B3GALNT2: variants seen among roughly 807,000 people sequenced by gnomAD.
The protein encoded by B3GALNT2 is beta-1,3-N-acetylgalactosaminyltransferase 2, also known as UDP-GalNAc:beta-1,3-N-acetylgalactosaminyltransferase 2.
Under a neutral mutation model 61.1 loss-of-function variants are expected in B3GALNT2, and 53 were observed. The observed-to-expected ratio is 0.87, with a 90% CI of 0.70 to 1.09. The LOEUF (loss-of-function observed/expected upper bound fraction) is 1.09, where lower values mean the gene tolerates loss of function less well. B3GALNT2 is among the 50% of genes least tolerant of loss of function. B3GALNT2 has a pLI of 0.00. For synonymous variants in B3GALNT2, 223 were observed against 237.4 expected (o/e 0.94, Z 0.56); for missense variants, 544 against 623.0 (o/e 0.87, Z 1.35).
chr1:235,440,122 C>T, the B3GALNT2 span, among the ~76,000 whole-genome samples: 208 of 152,276 alleles, frequency 1.4e-3, no homozygotes, highest in South Asian at 9.1e-3. Context: ...AGGCGCCCAC[C>T]ACCACACCCG....
In B3GALNT2 at chr1:235,458,724, T is replaced by TC. The variant is rs1469279569; in HGVS notation, c.903dup (p.Asn302GlufsTer4). 1 of 1,612,798 alleles carries TC rather than the reference T, an allele frequency of 6.2e-7. No homozygotes were observed. The highest frequency in any genetic ancestry group is 1.7e-5 in the Admixed American group (1 of 59,850). On this transcript the variant is annotated frameshift_variant, in exon 8 of 12. Coordinates refer to ENST00000366600, the MANE Select transcript of B3GALNT2 (RefSeq NM_152490.5). LOFTEE classifies it high-confidence loss of function. ...AGTAAGGCATCTTCCTCATGGAGATTCCTTATATGATCAATAAGTCTTTGA... is the reference window on the plus strand; with the variant it reads ...AGTAAGGCATCTTCCTCATGGAGATTCCCTTATATGATCAATAAGTCTTTGA...
intron 1 of B3GALNT2, among the ~76,000 whole-genome samples, chr1:235,495,552 A>G (rs1327923973): frequency 6.6e-6 from 1 of 151,952 alleles, no homozygotes; most frequent in Non-Finnish European, 1.5e-5. Context: ...AAAAAAAAAA[A>G]TAATAATAAA....
intron 1 of B3GALNT2, 55 bp downstream of exon 1, chr1:235,504,086 G>A: frequency 8.4e-7 from 1 of 1,194,630 alleles, no homozygotes; most frequent in Non-Finnish European, 1.0e-6. Context: ...GCGGCACCAA[G>A]CCGGGCCTCC....
rs577519782 is a variant in B3GALNT2, at chr1:235,477,060, A to G, written c.651+2994T>C. Among the ~76,000 whole-genome samples, 13 of 151,652 alleles carry G rather than the reference A, an allele frequency of 8.6e-5. No individual in the cohort carries two copies. In the East Asian group the frequency reaches 1.6e-3, roughly 18 times the overall value. On this transcript the variant is annotated intron_variant, in intron 5 of 11. Coordinates refer to ENST00000366600, the MANE Select transcript of B3GALNT2 (RefSeq NM_152490.5). Reference sequence around the variant, plus strand: ...AAAATAAGTAAATAAAAATTAGGGGAAAAAAAAGTCTTAATAACTACAAAG... The same window carrying G: ...AAAATAAGTAAATAAAAATTAGGGGGAAAAAAAGTCTTAATAACTACAAAG...
Position 235,480,273 on chromosome 1 carries a change from A to G in B3GALNT2, c.556-124T>C, listed in dbSNP as rs561909938. 1.1e-5 allele frequency: 15 copies of G among 1,405,562 alleles called. No individual in the cohort carries two copies. The East Asian group carries it at 3.6e-4, about 34-fold the overall frequency. 87.1% of individuals were successfully genotyped at this position (1,405,562 alleles called of 1,614,324 possible). On this transcript the variant is annotated intron_variant, in intron 4 of 11. Transcript: ENST00000366600. ...ACAATGGCCCTAACCACGGTCACTA[A>G]CATGGTTCTACTGTGGTTTTGGCAT... is the stretch of plus-strand genomic sequence containing the variant.
intron 5 of B3GALNT2, chr1:235,479,134 G>A (rs552207796): frequency 7.1e-4 from 108 of 152,260 alleles, no homozygotes; most frequent in African/African-American, 2.3e-3. Flanking sequence ...AAGACCCATA[G>A]TATGTTACAA....
intron 11 of B3GALNT2, chr1:235,451,928 C>T (rs1342824274): frequency 6.6e-6 from 1 of 152,110 alleles, no homozygotes. Context: ...TAAATGATGT[C>T]TTATATTTCA....
At chr1:235,492,740 G>C (rs796186867) in intron 2 of B3GALNT2, among the ~76,000 whole-genome samples, 2 of 152,182 alleles carry the variant, frequency 1.3e-5, no homozygotes, top group South Asian at 4.1e-4. Flanking sequence ...AAACAAGATA[G>C]GGGTGGGCTG....
intron 1 of B3GALNT2, among the ~76,000 whole-genome samples, chr1:235,503,837 C>A (rs1685696783): frequency 6.6e-6 from 1 of 152,198 alleles, no homozygotes; most frequent in African/African-American, 2.4e-5. Context: ...GGCGAACGGG[C>A]GGCGTCGGAC....
Position 235,494,792 on chromosome 1 carries a change from T to G in B3GALNT2, c.149A>C (p.His50Pro). ...LALFPQWKST[H>P]YDVVVGVLSA... Reference sequence around the variant, plus strand: ...CAACACGCCAACTACCACATCATAGTGAGTAGATTTCCACTGAGGAAATAA... The same window carrying G: ...CAACACGCCAACTACCACATCATAGGGAGTAGATTTCCACTGAGGAAATAA... Residue 50 changes from histidine to proline, a missense_variant, in exon 2 of 12, where the codon CAC (histidine) becomes CCC (proline). Coordinates refer to ENST00000366600, the MANE Select transcript of B3GALNT2 (RefSeq NM_152490.5). 2 of 1,611,076 alleles carry G rather than the reference T, an allele frequency of 1.2e-6. No homozygotes were observed. The highest frequency in any genetic ancestry group is 1.7e-6 in the Non-Finnish European group (2 of 1,177,512).
intron 11 of B3GALNT2, among the ~76,000 whole-genome samples, chr1:235,452,740 C>CG (rs1030052428): frequency 2.6e-5 from 4 of 151,974 alleles, no homozygotes; most frequent in South Asian, 2.1e-4. Context: ...TTTGTAGAGA[C>CG]GGGGGGTTTC....
chr1:235,475,522 C>T (rs879765133), intron 5 of B3GALNT2, among the ~76,000 whole-genome samples: 23 of 152,134 alleles, frequency 1.5e-4, no homozygotes, highest in African/African-American at 5.3e-4. Context: ...CTACCTACTT[C>T]TCTTCTGTTA....
chr1:235,468,302 G>T (rs1558419681), intron 6 of B3GALNT2, among the ~76,000 whole-genome samples: 1 of 152,030 alleles, frequency 6.6e-6, no homozygotes, highest in Non-Finnish European at 1.5e-5. Context: ...CTTAGCGTAG[G>T]CTTTAAAAAG....
At chr1:235,477,023 T>C (rs1243766682) in intron 5 of B3GALNT2, among the ~76,000 whole-genome samples, 1 of 137,742 alleles carries the variant, frequency 7.3e-6, no homozygotes, top group African/African-American at 2.8e-5. Flanking sequence ...AGAGCCTGTC[T>C]CAAAAAAAAA....
the B3GALNT2 span, chr1:235,441,566 C>T: frequency 3.8e-6 from 2 of 528,302 alleles, no homozygotes; most frequent in Non-Finnish European, 6.8e-6. Flanking sequence ...TGTTGAGTTT[C>T]ACTGGTCATT....
intron 2 of B3GALNT2, among the ~76,000 whole-genome samples, chr1:235,491,533 C>G (rs554462701): frequency 6.6e-6 from 1 of 152,202 alleles, no homozygotes. Flanking sequence ...ATATACACAA[C>G]TGAGCTTCTT....
chr1:235,472,424 G>A (rs922216214), intron 5 of B3GALNT2, among the ~76,000 whole-genome samples: 1 of 151,802 alleles, frequency 6.6e-6, no homozygotes, highest in African/African-American at 2.4e-5. Flanking sequence ...CTTCTCCTCC[G>A]AGAGGCTTTC....
chr1:235,493,700 C>A (rs1320052369), intron 2 of B3GALNT2, among the ~76,000 whole-genome samples: 7 of 152,120 alleles, frequency 4.6e-5, no homozygotes, highest in African/African-American at 1.7e-4. Context: ...ATCGCTTGAA[C>A]CCAGGAATTG....
At position 235,504,417 on chromosome 1, in the gene B3GALNT2, T is replaced by C. The variant is rs565069690; in HGVS notation, c.-165A>G. The C allele has an allele frequency of 5.8e-5, 41 of 706,056 alleles. No homozygotes were observed. The African/African-American group carries it at 7.6e-4, about 13-fold the overall frequency. The allele number at this position is 706,056 out of a possible 1,614,324, so 43.7% of individuals were successfully genotyped here. A position where few individuals can be genotyped will look rare whatever the true frequency, so the allele number is the denominator to read the frequency against. On this transcript the variant is annotated 5_prime_UTR_variant, in exon 1 of 12. Transcript: ENST00000366600. ...GGCTCCTCGCAGCTCCCGGCCCCGC[T>C]CCTCCGGTCCCTCAGACCGCGGGTG... is the stretch of plus-strand genomic sequence containing the variant.
Sources: allele counts gnomAD v4.1 joint callset (sites outside exome capture counted in the v4.1 genomes callset), GRCh38; gene constraint gnomAD v4.1.1; transcripts MANE v1.5; gene names NCBI Gene and HGNC (gene_info 2026-07-23, HGNC 2026-07-21).